GRIA3: variants seen among roughly 807,000 people sequenced by gnomAD.
The protein encoded by GRIA3 is glutamate receptor 3.
In GRIA3, 3 loss-of-function variants were observed where a neutral mutation model predicts 63.0. That is an observed-to-expected ratio of 0.05 (90% CI 0.02 to 0.12). The LOEUF is 0.12. Among genes scored for constraint, GRIA3 ranks in the 10% least tolerant of loss-of-function variants. The pLI is 1.00. For missense variants in GRIA3, 347 were observed against 700.9 expected, an observed-to-expected ratio of 0.50 and a Z score of 5.70; for synonymous variants, 274 against 257.9, an observed-to-expected ratio of 1.06 and a Z score of -0.60.
chrX:123,436,509 T>C (rs1363847797), intron 12 of GRIA3, among the ~76,000 whole-genome samples: 1 of 112,559 alleles, frequency 8.9e-6, no homozygotes, highest in East Asian at 2.8e-4. Context: ...AATTTAGAGC[T>C]GCCCTTGAAG....
At chrX:123,224,805 T>C (rs2044237237) in intron 2 of GRIA3, among the ~76,000 whole-genome samples, 1 of 112,018 alleles carries the variant, frequency 8.9e-6, no homozygotes. Context: ...TATTTAAATG[T>C]AAATCCTTAA....
At chrX:123,430,536 C>T (rs2045612017) in intron 12 of GRIA3, among the ~76,000 whole-genome samples, 1 of 111,360 alleles carries the variant, frequency 9.0e-6, no homozygotes, top group Non-Finnish European at 1.9e-5. Flanking sequence ...GGTTGTGGGG[C>T]CGGCAGCCAA....
intron 10 of GRIA3, among the ~76,000 whole-genome samples, chrX:123,413,086 C>T (rs1200722263): frequency 3.6e-5 from 4 of 111,479 alleles, no homozygotes; most frequent in African/African-American, 6.5e-5. Context: ...GGGAATCAGA[C>T]AACAAAAAGT....
intron 5 of GRIA3, among the ~76,000 whole-genome samples, chrX:123,389,107 AT>A (rs945717216): frequency 4.0e-4 from 45 of 112,113 alleles, no homozygotes; most frequent in Admixed American, 3.8e-3. Flanking sequence ...GATATTCTAA[AT>A]TTTTTTGAGA....
chrX:123,363,267 A>G (rs747801757), intron 5 of GRIA3, among the ~76,000 whole-genome samples: 2 of 111,661 alleles, frequency 1.8e-5, no homozygotes, highest in South Asian at 7.6e-4. Context: ...CCCATAATCT[A>G]TCATCAACTC....
intron 3 of GRIA3, among the ~76,000 whole-genome samples, chrX:123,323,365 T>TATAGTATATATA (rs773824960): frequency 0.014 from 1,586 of 112,266 alleles, 16 homozygotes; most frequent in Middle Eastern, 0.023. Flanking sequence ...ATATATAGAT[T>TATAGTATATATA]GAGCTGTCTT....
At chrX:123,455,828 T>G (rs1158730076) in intron 12 of GRIA3, among the ~76,000 whole-genome samples, 1 of 97,034 alleles carries the variant, frequency 1.0e-5, no homozygotes, top group African/African-American at 3.5e-5. Context: ...CGGGGAAAGA[T>G]CTATCTGAAA....
At chrX:123,248,834 T>A (rs1303200208) in intron 2 of GRIA3, among the ~76,000 whole-genome samples, 1 of 111,576 alleles carries the variant, frequency 9.0e-6, no homozygotes, top group Non-Finnish European at 1.9e-5. Context: ...TGTGCTTCAT[T>A]AAGGATTCAG....
At chrX:123,269,450 A>G (rs768437439) in intron 3 of GRIA3, among the ~76,000 whole-genome samples, 1 of 112,083 alleles carries the variant, frequency 8.9e-6, no homozygotes, top group African/African-American at 3.2e-5. Context: ...TAGAACGAAG[A>G]TCTTTAGCTG....
intron 5 of GRIA3, among the ~76,000 whole-genome samples, chrX:123,377,216 G>A (rs1039420344): frequency 9.0e-6 from 1 of 111,428 alleles, no homozygotes; most frequent in Non-Finnish European, 1.9e-5. Flanking sequence ...TAGTACAGGC[G>A]TGAGCCACCG....
intron 2 of GRIA3, among the ~76,000 whole-genome samples, chrX:123,224,754 T>C (rs1331112646): frequency 8.9e-6 from 1 of 112,068 alleles, no homozygotes; most frequent in African/African-American, 3.2e-5. Flanking sequence ...TTATCTAAAT[T>C]ATTTAAAGCA....
intron 2 of GRIA3, among the ~76,000 whole-genome samples, chrX:123,248,646 CA>C (rs2044372390): frequency 9.0e-6 from 1 of 110,970 alleles, no homozygotes; most frequent in Non-Finnish European, 1.9e-5. Flanking sequence ...ATTAGCCGGG[CA>C]TGGTGGCGCA....
intron 14 of GRIA3, 113 bp downstream of exon 14, chrX:123,480,290 A>T: frequency 1.9e-6 from 1 of 521,511 alleles, no homozygotes. Flanking sequence ...ACACAGTGGG[A>T]CCCCTTTATA....
At chrX:123,388,604 TTTA>T (rs1483661193) in intron 5 of GRIA3, among the ~76,000 whole-genome samples, 1 of 112,299 alleles carries the variant, frequency 8.9e-6, no homozygotes, top group Non-Finnish European at 1.9e-5. Flanking sequence ...TCTGATTTTA[TTTA>T]TTTAGATTTT....
chrX:123,346,577 AG>A (rs1348310907), intron 4 of GRIA3, among the ~76,000 whole-genome samples: 1 of 112,782 alleles, frequency 8.9e-6, no homozygotes, highest in Non-Finnish European at 1.9e-5. Flanking sequence ...CACTTATAAA[AG>A]CTACAGGAAA....
At chrX:123,306,024 G>A (rs1287512895) in intron 3 of GRIA3, among the ~76,000 whole-genome samples, 2 of 111,431 alleles carry the variant, frequency 1.8e-5, no homozygotes, top group African/African-American at 6.5e-5. Flanking sequence ...AGACTATTCT[G>A]TATGCATAAG....
intron 14 of GRIA3, among the ~76,000 whole-genome samples, chrX:123,481,661 G>C (rs1169308219): frequency 9.0e-6 from 1 of 111,537 alleles, no homozygotes; most frequent in Non-Finnish European, 1.9e-5. Context: ...CAGCAAAATG[G>C]TTACATACCC....
intron 5 of GRIA3, among the ~76,000 whole-genome samples, chrX:123,386,155 T>A (rs1312702084): frequency 9.0e-6 from 1 of 111,535 alleles, no homozygotes; most frequent in Non-Finnish European, 1.9e-5. Context: ...AAGGTAAGAT[T>A]TTTTGTGTGG....
intron 2 of GRIA3, among the ~76,000 whole-genome samples, chrX:123,215,868 C>T (rs766399497): frequency 3.0e-4 from 34 of 111,690 alleles, no homozygotes; most frequent in African/African-American, 9.8e-4. Flanking sequence ...AAGCCAACTG[C>T]TGACCTAACC....
Sources: gnomAD v4.1 joint callset for allele counts (sites outside exome capture counted in the v4.1 genomes callset) on GRCh38, gnomAD v4.1.1 for gene constraint, MANE v1.5 for transcripts, NCBI Gene and HGNC (gene_info 2026-07-23, HGNC 2026-07-21) for gene names.